The following GALNT14 variants were observed in gnomAD, a reference collection of about 807,000 sequenced individuals.
GALNT14 encodes the protein UDP-GalNAc:polypeptide N-acetylgalactosaminyltransferase 14.
In GALNT14, 60 loss-of-function variants were observed where a neutral mutation model predicts 77.5. The ratio of observed to expected loss-of-function variants is 0.77; its 90% CI spans 0.63 to 0.96. The LOEUF (loss-of-function observed/expected upper bound fraction) is 0.96, where lower values mean the gene tolerates loss of function less well. Ranked by LOEUF, GALNT14 falls within the 40% of genes least tolerant of loss-of-function variation. The pLI is 0.00. For missense variants in GALNT14, 710 were observed against 731.0 expected (o/e 0.97, Z 0.33); for synonymous variants, 280 against 281.7 (o/e 0.99, Z 0.06).
At position 30,912,227 on chromosome 2, in the gene GALNT14, C is replaced by T. The variant is rs754388586; in HGVS notation, c.1496G>A (p.Arg499Gln). ...AGGGACCTGCTGAGCACTTACCTGTCGGTCATCTCCATTCTTGCAAAGGAC... is the reference window on the plus strand; with the variant it reads ...AGGGACCTGCTGAGCACTTACCTGTTGGTCATCTCCATTCTTGCAAAGGAC... ...VLVLCKNGDD[R>Q]QQWTKTGSHI... The change falls in exon 14 of 15, where the codon CGA becomes CAA. Residue 499 changes from arginine to glutamine, a missense_variant. Transcript: ENST00000349752. The T allele has an allele frequency of 6.8e-6, 11 of 1,613,960 alleles. No individual in the cohort carries two copies. The highest frequency in any genetic ancestry group is 2.7e-5 in the African/African-American group (2 of 74,932).
At chr2:30,969,543 C>T (rs567531998) in intron 2 of GALNT14, among the ~76,000 whole-genome samples, 2 of 152,320 alleles carry the variant, frequency 1.3e-5, no homozygotes, top group African/African-American at 4.8e-5. Context: ...CAGATGCATG[C>T]ACACACGCAG....
At chr2:30,902,845 C>T in the GALNT14 span, among the ~76,000 whole-genome samples, 1 of 152,154 alleles carries the variant, frequency 6.6e-6, no homozygotes, top group African/African-American at 2.4e-5. Flanking sequence ...AGGACGATCC[C>T]AGGCTCTCTT....
intron 1 of GALNT14, among the ~76,000 whole-genome samples, chr2:31,006,270 G>A (rs577564798): frequency 1.3e-5 from 2 of 152,186 alleles, no homozygotes; most frequent in African/African-American, 4.8e-5. Flanking sequence ...TGGGAAGCCA[G>A]GCGAAAGAAC....
At chr2:31,065,627 G>A (rs1371718564) in intron 1 of GALNT14, among the ~76,000 whole-genome samples, 4 of 152,118 alleles carry the variant, frequency 2.6e-5, no homozygotes, top group Non-Finnish European at 4.4e-5. Flanking sequence ...CTTCCTGCCT[G>A]GTCAACTTGA....
chr2:31,071,790 C>T (rs573819833), intron 1 of GALNT14, among the ~76,000 whole-genome samples: 5 of 152,188 alleles, frequency 3.3e-5, no homozygotes, highest in African/African-American at 7.2e-5. Context: ...TGGGGCAGGA[C>T]GGACTGCAGA....
At chr2:30,893,067 G>A in the GALNT14 span, among the ~76,000 whole-genome samples, 1 of 152,112 alleles carries the variant, frequency 6.6e-6, no homozygotes, top group Non-Finnish European at 1.5e-5. Context: ...TGAGAATGTT[G>A]TATAGCAAAC....
intron 1 of GALNT14, among the ~76,000 whole-genome samples, chr2:31,031,673 G>A (rs1480578874): frequency 6.6e-6 from 1 of 151,738 alleles, no homozygotes; most frequent in Non-Finnish European, 1.5e-5. Flanking sequence ...ATCTAAACAA[G>A]ATCAATATGG....
At chr2:30,986,375 C>G (rs1047816677) in intron 2 of GALNT14, among the ~76,000 whole-genome samples, 1 of 152,138 alleles carries the variant, frequency 6.6e-6, no homozygotes, top group African/African-American at 2.4e-5. Context: ...TATGCTTTAT[C>G]AAAATATTCC....
chr2:31,091,062 G>A (rs1476083779), intron 1 of GALNT14, among the ~76,000 whole-genome samples: 1 of 152,110 alleles, frequency 6.6e-6, no homozygotes, highest in African/African-American at 2.4e-5. Flanking sequence ...AGGTATTTCA[G>A]GCATGAGTGA....
intron 1 of GALNT14, among the ~76,000 whole-genome samples, chr2:31,062,013 T>G (rs994083036): frequency 6.6e-6 from 1 of 152,212 alleles, no homozygotes; most frequent in African/African-American, 2.4e-5. Context: ...TAAATTCTTT[T>G]TGTTGTGGTT....
intron 3 of GALNT14, among the ~76,000 whole-genome samples, chr2:30,961,646 T>A (rs1262328682): frequency 2.0e-5 from 3 of 152,120 alleles, no homozygotes; most frequent in Non-Finnish European, 4.4e-5. Context: ...GAAATGCAAA[T>A]TCTTGGGCCC....
intron 8 of GALNT14, among the ~76,000 whole-genome samples, chr2:30,944,519 C>T (rs747116627): frequency 3.3e-5 from 5 of 152,142 alleles, no homozygotes; most frequent in Admixed American, 2.6e-4. Context: ...GGACTTTGCT[C>T]CTGGCCCTAA....
intron 1 of GALNT14, among the ~76,000 whole-genome samples, chr2:31,101,428 G>C (rs1677268008): frequency 6.6e-6 from 1 of 151,958 alleles, no homozygotes. Context: ...CTCTAGAACA[G>C]AGTTCTATGC....
At chr2:31,093,889 G>T (rs1676878170) in intron 1 of GALNT14, among the ~76,000 whole-genome samples, 1 of 152,226 alleles carries the variant, frequency 6.6e-6, no homozygotes, top group Non-Finnish European at 1.5e-5. Context: ...AGCAGGACCT[G>T]AGAGGTCCTT....
At chr2:30,965,031 G>C (rs897370833) in intron 3 of GALNT14, among the ~76,000 whole-genome samples, 2 of 152,196 alleles carry the variant, frequency 1.3e-5, no homozygotes, top group African/African-American at 2.4e-5. Context: ...CAGCAGGACA[G>C]GAAGGGTCTA....
At chr2:30,932,625 C>G (rs1218271227) in intron 9 of GALNT14, among the ~76,000 whole-genome samples, 1 of 152,168 alleles carries the variant, frequency 6.6e-6, no homozygotes, top group Non-Finnish European at 1.5e-5. Flanking sequence ...AAAGAAATTT[C>G]AATCGAGAAT....
intron 1 of GALNT14, among the ~76,000 whole-genome samples, chr2:31,095,127 GA>G (rs1178044342): frequency 1.3e-5 from 2 of 152,260 alleles, no homozygotes; most frequent in East Asian, 3.9e-4. Flanking sequence ...AGTGGGAGTG[GA>G]AAAAGTAAAA....
Position 31,106,607 on chromosome 2 carries a change from T to C in GALNT14, c.129+31351A>G, listed in dbSNP as rs531483544. Among the ~76,000 whole-genome samples, 33 of 152,340 alleles carry C rather than the reference T, an allele frequency of 2.2e-4. No individual in the cohort carries two copies. In the South Asian group the frequency reaches 6.4e-3, roughly 30 times the overall value. On this transcript the variant is annotated intron_variant, in intron 1 of 14. Coordinates refer to ENST00000349752, the MANE Select transcript of GALNT14 (RefSeq NM_024572.4). The stretch of plus-strand genomic sequence containing the variant: ...CATTTTGTCATCCTTTCCCAAGCAT[T>C]TACCTCTGCAAGTTGGGTCTTTCTT...
chr2:30,967,926 C>T (rs1668109513), intron 2 of GALNT14, among the ~76,000 whole-genome samples: 1 of 152,220 alleles, frequency 6.6e-6, no homozygotes, highest in South Asian at 2.1e-4. Context: ...CATGCTATTA[C>T]CTCTGCATGG....
Sources: allele counts gnomAD v4.1 joint callset (sites outside exome capture counted in the v4.1 genomes callset), GRCh38; gene constraint gnomAD v4.1.1; transcripts MANE v1.5; gene names NCBI Gene and HGNC (gene_info 2026-07-23, HGNC 2026-07-21).